CCDC192: variants seen among roughly 807,000 people sequenced by gnomAD.
The protein encoded by CCDC192 is coiled-coil domain-containing protein 192.
chr5:127,861,164 A>C (rs2127104547), intron 5 of CCDC192, among the ~76,000 whole-genome samples: 1 of 151,748 alleles, frequency 6.6e-6, no homozygotes, highest in East Asian at 2.0e-4. Context: ...ATGTGCCACC[A>C]TGCCCAGCTA....
chr5:127,937,582 C>T lies in CCDC192; in HGVS notation c.536-3600C>T, dbSNP rs549258291. Among the ~76,000 whole-genome samples the T allele has an allele frequency of 1.1e-4, 16 of 152,340 alleles. No homozygotes were observed. The East Asian group carries it at 1.5e-3, about 15-fold the overall frequency. ...ACCCTGATCTGAGACTTCCAGCCCC[C>T]AGAACTATAAAAAAGTTTCTTGTTT... On this transcript the variant is annotated intron_variant, in intron 6 of 6. Coordinates refer to ENST00000514853, the MANE Select transcript of CCDC192 (RefSeq NM_001317938.2).
intron 5 of CCDC192, among the ~76,000 whole-genome samples, chr5:127,850,216 G>A (rs189639004): frequency 6.6e-6 from 1 of 152,234 alleles, no homozygotes; most frequent in Non-Finnish European, 1.5e-5. Context: ...TTGGACAAGG[G>A]CACCCAGCTC....
At chr5:127,795,903 A>G (rs531863278) in intron 3 of CCDC192, among the ~76,000 whole-genome samples, 1 of 152,286 alleles carries the variant, frequency 6.6e-6, no homozygotes, top group Non-Finnish European at 1.5e-5. Flanking sequence ...CAGGAGTTAA[A>G]CACATGTTGG....
At chr5:127,815,887 AAG>A (rs1389017480) in intron 5 of CCDC192, among the ~76,000 whole-genome samples, 1 of 152,084 alleles carries the variant, frequency 6.6e-6, no homozygotes, top group Non-Finnish European at 1.5e-5. Context: ...ATAAAAATAA[AAG>A]AGAGAGATGT....
chr5:127,713,922 T>G (rs1751475118), intron 2 of CCDC192, among the ~76,000 whole-genome samples: 1 of 152,238 alleles, frequency 6.6e-6, no homozygotes. Context: ...GTTACTCTGC[T>G]TTGCAGTGGA....
chr5:127,862,016 A>G (rs1464229715), intron 5 of CCDC192, among the ~76,000 whole-genome samples: 2 of 152,222 alleles, frequency 1.3e-5, no homozygotes, highest in African/African-American at 4.8e-5. Context: ...AATAAGAACC[A>G]GAAGGACTGG....
chr5:127,786,229 C>T, intron 3 of CCDC192: 1 of 727,824 alleles, frequency 1.4e-6, no homozygotes, highest in Non-Finnish European at 2.5e-6. Flanking sequence ...AACCTGAACT[C>T]TTCATTGTTC....
intron 5 of CCDC192, among the ~76,000 whole-genome samples, chr5:127,833,877 C>T (rs114050013): frequency 6.3e-3 from 960 of 152,120 alleles, no homozygotes; most frequent in African/African-American, 8.0e-3. Context: ...CACCAGAAAA[C>T]GTACACAATG....
intron 5 of CCDC192, among the ~76,000 whole-genome samples, chr5:127,842,850 A>G (rs1025136638): frequency 6.6e-6 from 1 of 152,102 alleles, no homozygotes; most frequent in Non-Finnish European, 1.5e-5. Context: ...AACAATCAAA[A>G]GAAATGAAAA....
rs147644787 is a variant in CCDC192, at chr5:127,899,905, G to A, written c.535+24244G>A. Among the ~76,000 whole-genome samples, 585 of 152,348 alleles carry A rather than the reference G, an allele frequency of 3.8e-3. 2 individuals carry two copies. The highest frequency in any genetic ancestry group is 0.013 in the African/African-American group (552 of 41,578). On this transcript the variant is annotated intron_variant, in intron 6 of 6. Transcript: ENST00000514853. The stretch of plus-strand genomic sequence containing the variant: ...GGGACCTCAGGTGTCCTCTGTGGTT[G>A]CCTCAAGTTTGTTTCCCCTGACGCT...
rs368286442 is a variant in CCDC192 at position 127,893,949 on chromosome 5, T to A, written c.535+18288T>A. Among the ~76,000 whole-genome samples the A allele has an allele frequency of 3.9e-5, 6 of 152,116 alleles. No homozygotes were observed. The East Asian group carries it at 1.2e-3, about 29-fold the overall frequency. ...TTCATTCCAAATTAAAACTAAACTT[T>A]GGGAAAAAAAATCCAAACCTTTAAA... On this transcript the variant is annotated intron_variant, in intron 6 of 6. Coordinates refer to ENST00000514853, the MANE Select transcript of CCDC192 (RefSeq NM_001317938.2).
Position 127,900,095 on chromosome 5 carries a change from A to C in CCDC192, c.535+24434A>C, listed in dbSNP as rs556319180. 1.1e-4 allele frequency among the ~76,000 whole-genome samples: 17 copies of C among 150,250 alleles called. 1 individual carries two copies. In the South Asian group the frequency reaches 3.4e-3, roughly 30 times the overall value. ...TTCAGAAGAAAGAGTGTAGAGCGGA[A>C]AGAATCAGAAAAACTAGGATCAAAT... On this transcript the variant is annotated intron_variant, in intron 6 of 6. Coordinates refer to ENST00000514853, the MANE Select transcript of CCDC192 (RefSeq NM_001317938.2).
intron 3 of CCDC192, among the ~76,000 whole-genome samples, chr5:127,793,120 T>C (rs894631826): frequency 6.6e-6 from 1 of 152,192 alleles, no homozygotes; most frequent in African/African-American, 2.4e-5. Flanking sequence ...AATATGTACA[T>C]ATACTTTCTG....
intron 6 of CCDC192, among the ~76,000 whole-genome samples, chr5:127,890,598 C>T (rs1752705429): frequency 6.6e-6 from 1 of 152,128 alleles, no homozygotes; most frequent in South Asian, 2.1e-4. Flanking sequence ...TTTTCTTTAA[C>T]CAACTCAGTG....
At chr5:127,732,531 G>C (rs772644195) in intron 2 of CCDC192, among the ~76,000 whole-genome samples, 3 of 152,104 alleles carry the variant, frequency 2.0e-5, no homozygotes, top group Non-Finnish European at 2.9e-5. Context: ...CTATTATAAA[G>C]ATATATGCAC....
At chr5:127,752,742 C>T (rs1233894402) in intron 2 of CCDC192, among the ~76,000 whole-genome samples, 1 of 152,236 alleles carries the variant, frequency 6.6e-6, no homozygotes, top group East Asian at 1.9e-4. Flanking sequence ...TGATCTCAGA[C>T]TGCTGTGCTA....
At chr5:127,716,912 C>G (rs552852794) in intron 2 of CCDC192, among the ~76,000 whole-genome samples, 12 of 152,278 alleles carry the variant, frequency 7.9e-5, no homozygotes, top group African/African-American at 2.4e-4. Flanking sequence ...CTCCAATAAG[C>G]CTTCTGCAGC....
At chr5:127,863,303 C>T (rs1435148748) in intron 5 of CCDC192, among the ~76,000 whole-genome samples, 1 of 152,106 alleles carries the variant, frequency 6.6e-6, no homozygotes. Context: ...GTATACATAC[C>T]ATGGAATAGT....
At chr5:127,792,707 A>G (rs1389656309) in intron 3 of CCDC192, among the ~76,000 whole-genome samples, 2 of 151,754 alleles carry the variant, frequency 1.3e-5, no homozygotes, top group Middle Eastern at 3.4e-3. Flanking sequence ...CCCTATCTCA[A>G]AAAAGAGGCA....
Sources: allele counts gnomAD v4.1 joint callset (sites outside exome capture counted in the v4.1 genomes callset), GRCh38; gene constraint gnomAD v4.1.1; transcripts MANE v1.5; gene names NCBI Gene and HGNC (gene_info 2026-07-23, HGNC 2026-07-21).